Variants in RIC8B observed in about 807,000 individuals in gnomAD.
RIC8B encodes the protein chaperone Ric-8B.
A neutral mutation model predicts 57.5 loss-of-function variants in RIC8B; 16 were observed. That is an observed-to-expected ratio of 0.28 (90% CI 0.19 to 0.42). The LOEUF (loss-of-function observed/expected upper bound fraction) is 0.42, where lower values mean the gene tolerates loss of function less well. RIC8B is among the 10% of genes least tolerant of loss of function. RIC8B has a pLI of 1.00. For missense variants in RIC8B, 481 were observed against 677.0 expected (o/e 0.71, Z 3.21); for synonymous variants, 216 against 250.8 (o/e 0.86, Z 1.31).
At chr12:106,796,213 A>C (rs2044473895) in intron 2 of RIC8B, among the ~76,000 whole-genome samples, 1 of 152,138 alleles carries the variant, frequency 6.6e-6, no homozygotes, top group African/African-American at 2.4e-5. Flanking sequence ...AGGAAGAACA[A>C]ACTCAGAGGA....
rs200101316 is a variant in RIC8B at position 106,843,847 on chromosome 12, T to A, written c.1066-5T>A. On this transcript the variant is annotated splice_polypyrimidine_tract_variant and splice_region_variant and intron_variant, in intron 5 of 9. Coordinates refer to ENST00000392837, the MANE Select transcript of RIC8B (RefSeq NM_001330145.2). ...TTCAAAAACATATGGTTTTTTTTTTTATAGGGAAGCAGCTATAGAGAGGGT... is the reference window on the plus strand; with the variant it reads ...TTCAAAAACATATGGTTTTTTTTTTAATAGGGAAGCAGCTATAGAGAGGGT... The A allele has an allele frequency of 1.1e-4, 168 of 1,590,768 alleles. 1 individual carries two copies. In the East Asian group the frequency reaches 2.4e-3, roughly 23 times the overall value.
intron 6 of RIC8B, among the ~76,000 whole-genome samples, chr12:106,846,231 T>G (rs573373188): frequency 6.6e-6 from 1 of 152,298 alleles, no homozygotes; most frequent in African/African-American, 2.4e-5. Flanking sequence ...TTAACATACC[T>G]CAAACTAATA....
chr12:106,820,442 T>C (rs949986379), intron 3 of RIC8B, among the ~76,000 whole-genome samples: 1 of 152,208 alleles, frequency 6.6e-6, no homozygotes, highest in Non-Finnish European at 1.5e-5. Flanking sequence ...GGATATAAAG[T>C]CAGTTTTAGA....
At chr12:106,838,096 C>G (rs752380154) in intron 4 of RIC8B, among the ~76,000 whole-genome samples, 1 of 152,108 alleles carries the variant, frequency 6.6e-6, no homozygotes, top group Non-Finnish European at 1.5e-5. Flanking sequence ...AGGCCATAAA[C>G]TTTGTCATCA....
chr12:106,791,214 A>G (rs1213859608), intron 2 of RIC8B, among the ~76,000 whole-genome samples: 2 of 152,214 alleles, frequency 1.3e-5, no homozygotes, highest in Non-Finnish European at 2.9e-5. Context: ...ACTGATAAAA[A>G]CCATACAAAG....
At position 106,860,328 on chromosome 12, in the gene RIC8B, G is replaced by T. The variant is rs142418943; in HGVS notation, c.1367G>T (p.Gly456Val). The T allele has an allele frequency of 2.5e-6, 4 of 1,608,656 alleles. No homozygotes were observed. Among genetic ancestry groups the T allele is most frequent in the East Asian group, 2.3e-5 (1 of 44,440 alleles). Residue 456 changes from glycine (G) to valine (V), a missense_variant, in exon 8 of 10, where the codon GGC becomes GTC. Coordinates refer to ENST00000392837, the MANE Select transcript of RIC8B (RefSeq NM_001330145.2). ...GNAAGLLAAR[G>V]LLAGGRGDNW... The stretch of plus-strand genomic sequence containing the variant: ...GCTGCAGGACTGTTGGCGGCCAGGG[G>T]CCTCTTGGCTGGAGGAAGAGGAGAT...
chr12:106,853,986 A>G (rs1376047955), intron 7 of RIC8B, among the ~76,000 whole-genome samples: 1 of 152,192 alleles, frequency 6.6e-6, no homozygotes, highest in Non-Finnish European at 1.5e-5. Flanking sequence ...AAGTAAGTCA[A>G]GTGGACTAGA....
chr12:106,781,747 G>A (rs1320792728), intron 1 of RIC8B, among the ~76,000 whole-genome samples: 1 of 152,022 alleles, frequency 6.6e-6, no homozygotes, highest in African/African-American at 2.4e-5. Context: ...CCAAAAAAAA[G>A]TTTAGAAGAA....
chr12:106,775,370 G>A (rs2043415623), intron 1 of RIC8B: 1 of 455,908 alleles, frequency 2.2e-6, no homozygotes, highest in African/African-American at 2.0e-5. Flanking sequence ...TTATAGATGA[G>A]GAAACCGAGG....
Position 106,867,396 on chromosome 12 carries a change from TGGA to T in RIC8B, c.1452-3422_1452-3420del, listed in dbSNP as rs1286765046. On this transcript the variant is annotated intron_variant, in intron 8 of 9. Transcript: ENST00000392837. The surrounding 1 kb of genome is among the most constrained non-coding windows in gnomAD (Gnocchi z 4.3). The stretch of plus-strand genomic sequence containing the variant: ...ATGGGACAGAGGAGCAGAGACAAGG[TGGA>T]GGAGATCATGATAAATATAATTACC... Among the ~76,000 whole-genome samples the T allele has an allele frequency of 3.3e-5, 5 of 152,234 alleles. No homozygotes were observed. Among genetic ancestry groups the T allele is most frequent in the South Asian group, 4.1e-4 (2 of 4,820 alleles).
intron 4 of RIC8B, among the ~76,000 whole-genome samples, chr12:106,830,947 A>G (rs1026703930): frequency 2.0e-5 from 3 of 152,202 alleles, no homozygotes; most frequent in African/African-American, 7.2e-5. Context: ...TTCAAAGGGC[A>G]ATGTAAGTAT....
rs559496257 is a variant in RIC8B at position 106,887,747 on chromosome 12, CAT to C, written c.*1734_*1735del. On this transcript the variant is annotated 3_prime_UTR_variant, in exon 10 of 10. Transcript: ENST00000392837. Reference sequence around the variant, plus strand: ...AGATGAGAAGAATAAAACTTCAAGACATAGCAAATCTGGGACTGTCTACTTAC... The same window carrying C: ...AGATGAGAAGAATAAAACTTCAAGACAGCAAATCTGGGACTGTCTACTTAC... The C allele has an allele frequency of 4.9e-4, 75 of 152,344 alleles. 1 individual carries two copies. Among genetic ancestry groups the C allele is most frequent in the African/African-American group, 1.7e-3 (72 of 41,580 alleles). The allele number at this position is 152,344 out of a possible 1,614,324, so 9.4% of individuals were successfully genotyped here.
At chr12:106,795,965 T>A (rs1016032776) in intron 2 of RIC8B, among the ~76,000 whole-genome samples, 2 of 152,162 alleles carry the variant, frequency 1.3e-5, no homozygotes, top group African/African-American at 2.4e-5. Flanking sequence ...ATACTTACAC[T>A]TTGAAAACTG....
At chr12:106,828,615 G>T (rs1006238820) in intron 4 of RIC8B, among the ~76,000 whole-genome samples, 2 of 152,146 alleles carry the variant, frequency 1.3e-5, no homozygotes, top group Non-Finnish European at 2.9e-5. Context: ...AGTTGTGATG[G>T]TGATTAAATG....
chr12:106,855,162 GA>G (rs1010648378), intron 7 of RIC8B, among the ~76,000 whole-genome samples: 1 of 152,190 alleles, frequency 6.6e-6, no homozygotes, highest in Admixed American at 6.5e-5. Flanking sequence ...GAATTGCAAA[GA>G]AAAATTAGGC....
chr12:106,834,983 CAA>C (rs71072695), intron 4 of RIC8B, among the ~76,000 whole-genome samples: 9 of 31,312 alleles, frequency 2.9e-4, no homozygotes, highest in Admixed American at 3.4e-4. Context: ...GACTCTGTCT[CAA>C]AAAAAAAAAA....
intron 7 of RIC8B, among the ~76,000 whole-genome samples, chr12:106,856,712 T>A (rs991760468): frequency 6.6e-6 from 1 of 152,186 alleles, no homozygotes; most frequent in African/African-American, 2.4e-5. Context: ...TGAGTTTCCT[T>A]TAGGTCGGAG....
chr12:106,834,719 C>T (rs1327897482), intron 4 of RIC8B, among the ~76,000 whole-genome samples: 1 of 152,038 alleles, frequency 6.6e-6, no homozygotes, highest in Non-Finnish European at 1.5e-5. Flanking sequence ...TGTAGTGGCT[C>T]ACGCCTGTAA....
intron 2 of RIC8B, among the ~76,000 whole-genome samples, chr12:106,796,237 A>G (rs545778361): frequency 1.4e-4 from 21 of 152,270 alleles, no homozygotes; most frequent in African/African-American, 4.8e-4. Context: ...ACAATTCCTT[A>G]TTTTAAAATT....
Sources: gnomAD v4.1 joint callset for allele counts (sites outside exome capture counted in the v4.1 genomes callset) on GRCh38, gnomAD v4.1.1 for gene constraint, Gnocchi (gnomAD v3.1) non-coding constraint, MANE v1.5 for transcripts, NCBI Gene and HGNC (gene_info 2026-07-23, HGNC 2026-07-21) for gene names.